The following PPM1E variants were observed in gnomAD, a reference collection of about 807,000 sequenced individuals.
PPM1E encodes protein phosphatase, Mg2+/Mn2+ dependent 1E.
Under a neutral mutation model 65.9 loss-of-function variants are expected in PPM1E, and 20 were observed. The ratio of observed to expected loss-of-function variants is 0.30; its 90% CI spans 0.21 to 0.44. The LOEUF is 0.44. PPM1E is among the 20% of genes least tolerant of loss of function. The pLI is 1.00. For synonymous variants in PPM1E, 352 were observed against 374.9 expected, an observed-to-expected ratio of 0.94 and a Z score of 0.70; for missense variants, 713 against 953.1, an observed-to-expected ratio of 0.75 and a Z score of 3.32.
At chr17:58,796,965 G>A (rs1375709936) in intron 1 of PPM1E, among the ~76,000 whole-genome samples, 1 of 152,096 alleles carries the variant, frequency 6.6e-6, no homozygotes, top group Non-Finnish European at 1.5e-5. Flanking sequence ...AATTAGCTAG[G>A]TGTGGTGACG....
intron 1 of PPM1E, among the ~76,000 whole-genome samples, chr17:58,868,896 A>G (rs1206907230): frequency 2.6e-5 from 4 of 152,160 alleles, no homozygotes; most frequent in Admixed American, 6.5e-5. Context: ...GCCAGGCACT[A>G]TGGCTCACAT....
rs760128692 is a variant in PPM1E, at chr17:58,980,378, G to A, written c.1615G>A (p.Asp539Asn). ...WPQHQCSAPA[D>N]LGYDGRVDSF... ...TCAGCACCAGTGCTCAGCACCAGCC[G>A]ACCTAGGCTATGATGGGCGTGTGGA... The change falls in exon 7 of 7, where the codon GAC (aspartate) becomes AAC (asparagine). Residue 539 changes from aspartate to asparagine, a missense_variant. By Grantham distance (23) the Asp-to-Asn change is conservative. Coordinates refer to ENST00000308249, the MANE Select transcript of PPM1E (RefSeq NM_014906.5). This position sits in a 1 kb window ranked among gnomAD's most constrained non-coding sequence, Gnocchi z 4.7. 8.1e-6 allele frequency: 13 copies of A among 1,614,136 alleles called. No individual in the cohort carries two copies. Among genetic ancestry groups the A allele is most frequent in the Non-Finnish European group, 8.5e-6 (10 of 1,180,028 alleles).
At chr17:58,833,646 T>C (rs989075154) in intron 1 of PPM1E, among the ~76,000 whole-genome samples, 1 of 152,164 alleles carries the variant, frequency 6.6e-6, no homozygotes, top group Non-Finnish European at 1.5e-5. Flanking sequence ...GGCATCTAGG[T>C]TGATTCCACA....
At chr17:58,817,761 T>TC (rs1334403529) in intron 1 of PPM1E, among the ~76,000 whole-genome samples, 1 of 152,116 alleles carries the variant, frequency 6.6e-6, no homozygotes, top group Non-Finnish European at 1.5e-5. Context: ...CTCTAGTTTT[T>TC]TTTTTTTTGA....
intron 3 of PPM1E, 86 bp from the exon 4 acceptor site, chr17:58,969,453 G>A (rs1264357008): frequency 4.6e-6 from 6 of 1,290,478 alleles, no homozygotes; most frequent in Non-Finnish European, 6.8e-6. Flanking sequence ...GAGGAGAAAG[G>A]ATGGGCAACA....
chr17:58,802,862 G>T (rs1218784224), intron 1 of PPM1E, among the ~76,000 whole-genome samples: 1 of 151,856 alleles, frequency 6.6e-6, no homozygotes. Context: ...TAATGCAACT[G>T]ATTTTTGTGT....
intron 1 of PPM1E, among the ~76,000 whole-genome samples, chr17:58,953,642 T>G (rs988792491): frequency 2.0e-5 from 3 of 152,184 alleles, no homozygotes; most frequent in Non-Finnish European, 4.4e-5. Context: ...TTAAATATCA[T>G]CCATACATTT....
At chr17:58,839,106 A>C (rs114801673) in intron 1 of PPM1E, among the ~76,000 whole-genome samples, 2,423 of 152,262 alleles carry the variant, frequency 0.016, 50 homozygotes, top group African/African-American at 0.055. Flanking sequence ...GGTACATGAC[A>C]TTATGCATTT....
chr17:58,959,245 G>A (rs2029948276), intron 2 of PPM1E, among the ~76,000 whole-genome samples: 2 of 144,982 alleles, frequency 1.4e-5, no homozygotes, highest in African/African-American at 5.1e-5. Flanking sequence ...GGAGGCGGAG[G>A]TTGCAGTGAG....
At chr17:58,819,928 T>C (rs1441996725) in intron 1 of PPM1E, among the ~76,000 whole-genome samples, 2 of 151,928 alleles carry the variant, frequency 1.3e-5, no homozygotes, top group Non-Finnish European at 2.9e-5. Context: ...TCCCAGCTAC[T>C]TGGGAGTCTG....
chr17:58,925,301 T>G (rs1008058301), intron 1 of PPM1E, among the ~76,000 whole-genome samples: 10 of 149,258 alleles, frequency 6.7e-5, no homozygotes, highest in African/African-American at 1.3e-4. Flanking sequence ...CTCATTGTGG[T>G]TTTTTTTTGC....
chr17:58,927,780 C>T (rs998361420), intron 1 of PPM1E, among the ~76,000 whole-genome samples: 11 of 151,968 alleles, frequency 7.2e-5, no homozygotes, highest in Admixed American at 3.9e-4. Context: ...GCCAGGCGGC[C>T]GGGCCCGGTG....
At chr17:58,912,618 T>C (rs2051639855) in intron 1 of PPM1E, among the ~76,000 whole-genome samples, 1 of 152,170 alleles carries the variant, frequency 6.6e-6, no homozygotes, top group Non-Finnish European at 1.5e-5. Flanking sequence ...TTTCCTGACA[T>C]ACAGCTTCTA....
In PPM1E at chr17:58,982,690, T is replaced by TGTAA; in HGVS notation, c.*1663_*1666dup. The TGTAA allele has an allele frequency of 4.1e-6, 2 of 485,104 alleles. No homozygotes were observed. The highest frequency in any genetic ancestry group is 7.3e-6 in the Non-Finnish European group (2 of 274,174). 30.0% of individuals were successfully genotyped at this position (485,104 alleles called of 1,614,324 possible). On this transcript the variant is annotated 3_prime_UTR_variant, in exon 7 of 7. Coordinates refer to ENST00000308249, the MANE Select transcript of PPM1E (RefSeq NM_014906.5). ...CAGATTTTATTTTTTAAAATTTGGA[T>TGTAA]GTAAGTAGAGACTTTCAGTATTTGT...
intron 1 of PPM1E, among the ~76,000 whole-genome samples, chr17:58,816,870 A>T (rs1245479857): frequency 7.0e-6 from 1 of 143,816 alleles, no homozygotes; most frequent in African/African-American, 2.6e-5. Context: ...ATCTCAGCTC[A>T]CCGCAACCTC....
At chr17:58,814,881 C>T (rs1203069251) in intron 1 of PPM1E, among the ~76,000 whole-genome samples, 1 of 152,178 alleles carries the variant, frequency 6.6e-6, no homozygotes. Flanking sequence ...AGTTTGCTGA[C>T]TACATAGGCC....
intron 1 of PPM1E, among the ~76,000 whole-genome samples, chr17:58,797,297 A>G (rs2050215998): frequency 6.6e-6 from 1 of 152,198 alleles, no homozygotes; most frequent in African/African-American, 2.4e-5. Context: ...AGATGCATGT[A>G]TCTGCTAACT....
chr17:58,916,454 G>A (rs1034437231), intron 1 of PPM1E, among the ~76,000 whole-genome samples: 23 of 152,202 alleles, frequency 1.5e-4, no homozygotes, highest in African/African-American at 5.1e-4. Context: ...GGATGAGCTT[G>A]CTGTCATTTA....
rs142395626 is a variant in PPM1E at position 58,768,124 on chromosome 17, G to A, written c.464+11663G>A. ...TGCCACCTTGCCCAGCTAATTTTTT[G>A]TATTTTGAGTAGAGATGGGGTTTCA... is the stretch of plus-strand genomic sequence containing the variant. On this transcript the variant is annotated intron_variant, in intron 1 of 6. Transcript: ENST00000308249. Among the ~76,000 whole-genome samples, 18 of 152,088 alleles carry A rather than the reference G, an allele frequency of 1.2e-4. No individual in the cohort carries two copies. In the East Asian group the frequency reaches 3.5e-3, roughly 29 times the overall value.
Sources: gnomAD v4.1 joint callset for allele counts (sites outside exome capture counted in the v4.1 genomes callset) on GRCh38, gnomAD v4.1.1 for gene constraint, Gnocchi (gnomAD v3.1) non-coding constraint, MANE v1.5 for transcripts, NCBI Gene and HGNC (gene_info 2026-07-23, HGNC 2026-07-21) for gene names.